Variants in MACROD2 observed in about 807,000 individuals in gnomAD.
MACROD2 encodes the protein ADP-ribose glycohydrolase MACROD2.
In MACROD2, 36 loss-of-function variants were observed where a neutral mutation model predicts 70.4. The observed-to-expected ratio is 0.51, with a 90% CI of 0.39 to 0.68. The LOEUF is 0.68. Ranked by LOEUF, MACROD2 falls within the 30% of genes least tolerant of loss-of-function variation. The pLI, the probability that MACROD2 is intolerant of heterozygous loss-of-function variation, is 0.00. For synonymous variants in MACROD2, 172 were observed against 178.8 expected (o/e 0.96, Z 0.30); for missense variants, 496 against 538.4 (o/e 0.92, Z 0.78).
chr20:15,481,552 T>C (rs1488150015), intron 7 of MACROD2, among the ~76,000 whole-genome samples: 1 of 152,226 alleles, frequency 6.6e-6, no homozygotes, highest in African/African-American at 2.4e-5. Flanking sequence ...ATATGAATGG[T>C]ACTGCTTAAA....
intron 6 of MACROD2, among the ~76,000 whole-genome samples, chr20:15,249,652 C>G (rs2077137158): frequency 6.6e-6 from 1 of 152,188 alleles, no homozygotes; most frequent in East Asian, 1.9e-4. Context: ...ATCCTGGTAA[C>G]TATTAGTTTA....
At chr20:14,461,450 A>G (rs1335982142) in intron 3 of MACROD2, among the ~76,000 whole-genome samples, 1 of 147,158 alleles carries the variant, frequency 6.8e-6, no homozygotes, top group Middle Eastern at 3.6e-3. Flanking sequence ...GTTCTTAGTT[A>G]TTTCTTGTCT....
At chr20:14,443,447 C>A (rs532956530) in intron 3 of MACROD2, among the ~76,000 whole-genome samples, 5 of 151,702 alleles carry the variant, frequency 3.3e-5, no homozygotes, top group African/African-American at 1.2e-4. Flanking sequence ...CAGATACATG[C>A]CACTACGCCT....
chr20:15,823,275 CGTGTGTGTGTGTGTGTGT>C lies in MACROD2; in HGVS notation c.646-39441_646-39424del, dbSNP rs11471023. Among the ~76,000 whole-genome samples, 11 of 128,742 alleles carry C rather than the reference CGTGTGTGTGTGTGTGTGT, an allele frequency of 8.5e-5. No homozygotes were observed. In the South Asian group the frequency reaches 1.1e-3, roughly 13 times the overall value. 84.5% of individuals were successfully genotyped at this position (128,742 alleles called of 152,430 possible). A position where few individuals can be genotyped will look rare whatever the true frequency, so the allele number is the denominator to read the frequency against. ...ATAAGATAGCAGCAGGTGAGCTCTT[CGTGTGTGTGTGTGTGTGT>C]GTGTGTGTGTGTGTGTGTGTGTGTG... is the stretch of plus-strand genomic sequence containing the variant. On this transcript the variant is annotated intron_variant, in intron 8 of 17. Coordinates refer to ENST00000684519, the MANE Select transcript of MACROD2 (RefSeq NM_001351661.2).
intron 5 of MACROD2, among the ~76,000 whole-genome samples, chr20:15,218,871 CT>C (rs5840659): frequency 0.62 from 94,942 of 151,912 alleles, 30,822 homozygotes; most frequent in African/African-American, 0.78. Context: ...TGGTGAAACA[CT>C]TGTCTCTACT....
At chr20:15,296,423 A>G (rs2077589391) in intron 6 of MACROD2, among the ~76,000 whole-genome samples, 1 of 152,230 alleles carries the variant, frequency 6.6e-6, no homozygotes, top group African/African-American at 2.4e-5. Flanking sequence ...AGGGTATTAC[A>G]CAGAATTGTT....
intron 2 of MACROD2, among the ~76,000 whole-genome samples, chr20:14,077,763 G>GT (rs968022328): frequency 1.1e-4 from 17 of 151,296 alleles, no homozygotes; most frequent in African/African-American, 2.2e-4. Flanking sequence ...TCTATATAAA[G>GT]TTTTTTTTTA....
In MACROD2 at chr20:15,788,330, A is replaced by G. The variant is rs1299385001; in HGVS notation, c.646-74415A>G. On this transcript the variant is annotated intron_variant, in intron 8 of 17. Transcript: ENST00000684519. ...TAAGGGTAACTAAATTTCCAGAGCC[A>G]TAAGTATATGAAGCCTTGTCCTTCG... 2.6e-5 allele frequency among the ~76,000 whole-genome samples: 4 copies of G among 152,340 alleles called. No individual in the cohort carries two copies. The East Asian group carries it at 5.8e-4, about 22-fold the overall frequency.
intron 4 of MACROD2, among the ~76,000 whole-genome samples, chr20:14,672,736 A>G (rs531303998): frequency 2.0e-5 from 3 of 152,304 alleles, no homozygotes; most frequent in Admixed American, 2.0e-4. Context: ...TTTTGATTTT[A>G]AAGCCCTTTT....
intron 15 of MACROD2, among the ~76,000 whole-genome samples, chr20:15,987,735 CA>C (rs1285378791): frequency 6.6e-6 from 1 of 151,758 alleles, no homozygotes; most frequent in Non-Finnish European, 1.5e-5. Flanking sequence ...GCATTTGGGG[CA>C]AAAAGCCAAT....
At chr20:14,729,734 C>G (rs2071571984) in intron 5 of MACROD2, among the ~76,000 whole-genome samples, 1 of 151,814 alleles carries the variant, frequency 6.6e-6, no homozygotes, top group Admixed American at 6.6e-5. Flanking sequence ...ACTCTCAATA[C>G]AAATCACAAA....
At chr20:15,202,952 TA>T (rs1365072299) in intron 5 of MACROD2, among the ~76,000 whole-genome samples, 2 of 152,156 alleles carry the variant, frequency 1.3e-5, no homozygotes, top group Admixed American at 1.3e-4. Context: ...TGTAACATTT[TA>T]TTCCTGGCAA....
intron 5 of MACROD2, among the ~76,000 whole-genome samples, chr20:15,210,726 C>T (rs753319256): frequency 5.3e-5 from 8 of 152,012 alleles, no homozygotes; most frequent in African/African-American, 1.9e-4. Context: ...ATAGTGAGTT[C>T]TCATGAGATC....
intron 4 of MACROD2, among the ~76,000 whole-genome samples, chr20:14,552,176 G>T (rs1978698149): frequency 6.7e-6 from 1 of 149,538 alleles, no homozygotes; most frequent in African/African-American, 2.5e-5. Flanking sequence ...TGTGACCTTG[G>T]AATAATTCAG....
chr20:14,353,223 A>G (rs927954235), intron 3 of MACROD2, among the ~76,000 whole-genome samples: 28 of 152,150 alleles, frequency 1.8e-4, no homozygotes, highest in Admixed American at 4.6e-4. Context: ...TGGTCTCATA[A>G]TAGTAGCAGC....
chr20:15,800,489 C>G (rs1321197354), intron 8 of MACROD2, among the ~76,000 whole-genome samples: 1 of 152,100 alleles, frequency 6.6e-6, no homozygotes, highest in Non-Finnish European at 1.5e-5. Flanking sequence ...AGTTTTATTC[C>G]TCTGCATAGG....
intron 8 of MACROD2, among the ~76,000 whole-genome samples, chr20:15,605,085 T>C (rs1198884322): frequency 6.6e-6 from 1 of 152,150 alleles, no homozygotes; most frequent in Admixed American, 6.5e-5. Context: ...AAAAAGCATA[T>C]GTTGAATGAT....
intron 12 of MACROD2, among the ~76,000 whole-genome samples, chr20:15,964,221 A>G (rs1259326410): frequency 1.3e-5 from 2 of 152,208 alleles, no homozygotes; most frequent in Non-Finnish European, 2.9e-5. Context: ...GACCATATAC[A>G]CTGGTGTCTT....
chr20:16,004,497 G>C (rs2066760247), intron 15 of MACROD2, among the ~76,000 whole-genome samples: 1 of 152,216 alleles, frequency 6.6e-6, no homozygotes, highest in African/African-American at 2.4e-5. Flanking sequence ...TCATGCTCGG[G>C]GTCAGGTTCC....
Sources: allele counts gnomAD v4.1 joint callset (sites outside exome capture counted in the v4.1 genomes callset), GRCh38; gene constraint gnomAD v4.1.1; transcripts MANE v1.5; gene names NCBI Gene and HGNC (gene_info 2026-07-23, HGNC 2026-07-21).